Variants in AEBP2 observed in about 807,000 individuals in gnomAD.
The protein encoded by AEBP2 is zinc finger protein AEBP2.
AEBP2 carries 10 observed loss-of-function variants against 50.8 expected under a neutral mutation model. That is an observed-to-expected ratio of 0.20 (90% confidence interval 0.12 to 0.33). The LOEUF is 0.33. Among genes scored for constraint, AEBP2 ranks in the 10% least tolerant of loss-of-function variants. The pLI is 1.00. For synonymous variants in AEBP2, 296 were observed against 261.3 expected (o/e 1.13, Z -1.28); for missense variants, 570 against 688.0 (o/e 0.83, Z 1.92).
chr12:19,447,007 G>T (rs1393683894), intron 1 of AEBP2, among the ~76,000 whole-genome samples: 6 of 152,146 alleles, frequency 3.9e-5, no homozygotes, highest in Admixed American at 3.9e-4. Flanking sequence ...GTGGGAAGGG[G>T]GACAGATTTT....
At position 19,477,445 on chromosome 12, in the gene AEBP2, T is replaced by C. The variant is rs188861014; in HGVS notation, c.987+4090T>C. ...AGAATATGGGCTGTGGGTTTGTTTATTACGTTAAGGTATGTTACTTCTGTG... is the reference window on the plus strand; with the variant it reads ...AGAATATGGGCTGTGGGTTTGTTTACTACGTTAAGGTATGTTACTTCTGTG... On this transcript the variant is annotated intron_variant, in intron 3 of 7. Transcript: ENST00000266508. Among the ~76,000 whole-genome samples the C allele has an allele frequency of 1.8e-3, 274 of 152,258 alleles. 3 individuals carry two copies. The highest frequency in any genetic ancestry group is 0.016 in the Admixed American group (252 of 15,290).
intron 3 of AEBP2, among the ~76,000 whole-genome samples, chr12:19,492,815 C>T (rs868454933): frequency 4.0e-5 from 6 of 151,690 alleles, no homozygotes; most frequent in African/African-American, 1.5e-4. Flanking sequence ...AAAAATGCAA[C>T]AACAACAAAA....
chr12:19,479,724 T>TTTTTTTG (rs1565723224), intron 3 of AEBP2, among the ~76,000 whole-genome samples: 1 of 84,340 alleles, frequency 1.2e-5, no homozygotes, highest in Non-Finnish European at 2.1e-5. Flanking sequence ...TGGGTTTTTT[T>TTTTTTTG]TTTTTTTTTT....
At chr12:19,446,732 C>CAAA (rs34624474) in intron 1 of AEBP2, among the ~76,000 whole-genome samples, 2,483 of 114,892 alleles carry the variant, frequency 0.022, 27 homozygotes, top group East Asian at 0.036. Flanking sequence ...ACTCCGTTTC[C>CAAA]AAAAAAAAAA....
chr12:19,456,374 A>G, intron 1 of AEBP2: 2 of 1,365,678 alleles, frequency 1.5e-6, no homozygotes, highest in Non-Finnish European at 1.0e-6. Context: ...CGCGACCCAG[A>G]GGTGGGTAGT....
intron 4 of AEBP2, among the ~76,000 whole-genome samples, chr12:19,494,498 C>CTTTTT (rs747750453): frequency 2.6e-5 from 3 of 115,866 alleles, no homozygotes; most frequent in Non-Finnish European, 5.2e-5. Flanking sequence ...AGCAGTGTTG[C>CTTTTT]TTTTTTTTTT....
At chr12:19,413,369 T>A (rs2095740500) in intron 1 of AEBP2, 1 of 1,055,352 alleles carries the variant, frequency 9.5e-7, no homozygotes, top group African/African-American at 1.6e-5. Flanking sequence ...ATAGAAATCC[T>A]TTAAAAAGTA....
chr12:19,474,444 A>G (rs766003163), intron 3 of AEBP2, among the ~76,000 whole-genome samples: 132 of 152,174 alleles, frequency 8.7e-4, no homozygotes, highest in Non-Finnish European at 4.4e-4. Context: ...CATTATAGCA[A>G]AGGTTTACAC....
intron 1 of AEBP2, 120 bp downstream of exon 1, chr12:19,440,490 C>T (rs1215804860): frequency 7.1e-7 from 1 of 1,411,560 alleles, no homozygotes; most frequent in Non-Finnish European, 9.2e-7. Context: ...CGGCCCCTCC[C>T]CCAGACTCTC....
rs570824158 is a variant in AEBP2, at chr12:19,447,326, G to A, written c.671+6956G>A. ...TTGTTAGACATATTGTCAGCATTCC[G>A]AGTTCTTTCTTGCCCTCACCCCAAT... On this transcript the variant is annotated intron_variant, in intron 1 of 7. Transcript: ENST00000266508. Among the ~76,000 whole-genome samples, 5 of 152,254 alleles carry A rather than the reference G, an allele frequency of 3.3e-5. No individual in the cohort carries two copies. In the South Asian group the frequency reaches 1.0e-3, roughly 32 times the overall value.
chr12:19,508,851 A>G (rs1949192323), intron 5 of AEBP2: 1 of 198,866 alleles, frequency 5.0e-6, no homozygotes, highest in African/African-American at 2.3e-5. Context: ...ATTTAAAAAT[A>G]TTTCAAAGGC....
intron 2 of AEBP2, among the ~76,000 whole-genome samples, chr12:19,469,592 C>T (rs554858075): frequency 2.0e-5 from 3 of 152,294 alleles, no homozygotes; most frequent in East Asian, 1.9e-4. Flanking sequence ...GTTGGGACTA[C>T]AGGCATGCAT....
In AEBP2 at chr12:19,516,091, A is replaced by T. The variant is rs532346219; in HGVS notation, c.1481+1307A>T. ...CAGAGCGAGAACCTGTCTCAAAAAA[A>T]TTTTTTTCTTCTCAAACATCTTTTG... On this transcript the variant is annotated intron_variant, in intron 7 of 7. Coordinates refer to ENST00000266508, the MANE Select transcript of AEBP2 (RefSeq NM_153207.5). 4.2e-4 allele frequency among the ~76,000 whole-genome samples: 64 copies of T among 152,226 alleles called. 1 individual carries two copies. The South Asian group carries it at 4.6e-3, about 11-fold the overall frequency.
Position 19,440,103 on chromosome 12 carries a change from A to G in AEBP2, c.404A>G (p.Asp135Gly). The change falls in exon 1 of 8, where the codon GAC becomes GGC. Residue 135 changes from aspartate to glycine, a missense_variant. Around this residue, in one of 2 missense-constraint regions of AEBP2, gnomAD observed 386 missense variants for 336.8 expected, o/e 1.15. Transcript: ENST00000266508. ...LVGSSGGSSS[D>G]ETRSLSPGAA... ...GGCAGCAGCGGCGGGAGCAGCAGCG[A>G]CGAGACCCGCTCGTTGAGCCCCGGC... 6.6e-7 allele frequency: 1 copy of G among 1,507,434 alleles called. No individual in the cohort carries two copies. Among genetic ancestry groups the G allele is most frequent in the Non-Finnish European group, 8.8e-7 (1 of 1,134,392 alleles). The allele number at this position is 1,507,434 out of a possible 1,614,324, so 93.4% of individuals were successfully genotyped here.
chr12:19,485,708 CAAA>C (rs35033010), intron 3 of AEBP2, among the ~76,000 whole-genome samples: 9 of 124,764 alleles, frequency 7.2e-5, no homozygotes, highest in East Asian at 2.3e-4. Context: ...GACCCTGTCT[CAAA>C]AAAAAAAAAA....
chr12:19,492,692 A>G (rs1948912584), intron 3 of AEBP2, among the ~76,000 whole-genome samples: 1 of 152,192 alleles, frequency 6.6e-6, no homozygotes, highest in South Asian at 2.1e-4. Flanking sequence ...TTACAAAGAC[A>G]AGGCAGGTGT....
intron 5 of AEBP2, among the ~76,000 whole-genome samples, chr12:19,512,082 C>T (rs1173779144): frequency 2.6e-5 from 4 of 151,622 alleles, no homozygotes; most frequent in African/African-American, 7.3e-5. Flanking sequence ...AGTGCAGTGG[C>T]GTGATCTTGG....
intron 7 of AEBP2, among the ~76,000 whole-genome samples, chr12:19,517,819 T>C (rs575433697): frequency 7.9e-5 from 12 of 152,244 alleles, no homozygotes; most frequent in Non-Finnish European, 1.5e-4. Context: ...GCATCAGTTT[T>C]AAAGTATTAG....
chr12:19,468,598 A>G (rs531847138), intron 2 of AEBP2, among the ~76,000 whole-genome samples: 13 of 152,294 alleles, frequency 8.5e-5, no homozygotes, highest in Admixed American at 6.5e-4. Flanking sequence ...GCATTTATCT[A>G]TATTATCATA....
Sources: gnomAD v4.1 joint callset for allele counts (sites outside exome capture counted in the v4.1 genomes callset) on GRCh38, gnomAD v4.1.1 for gene constraint, gnomAD v4.1.1 regional missense constraint, MANE v1.5 for transcripts, NCBI Gene and HGNC (gene_info 2026-07-23, HGNC 2026-07-21) for gene names.